HIPK3: variants seen among roughly 807,000 people sequenced by gnomAD.
The protein encoded by HIPK3 is homeodomain-interacting protein kinase 3.
HIPK3 carries 47 observed loss-of-function variants against 124.2 expected under a neutral mutation model. The ratio of observed to expected loss-of-function variants is 0.38; its 90% confidence interval spans 0.30 to 0.48. The LOEUF is 0.48. Among genes scored for constraint, HIPK3 ranks in the 20% least tolerant of loss-of-function variants. The probability of loss-of-function intolerance (pLI) is 0.98; values close to 1 mark genes in which losing one functional copy is unlikely to be tolerated. For missense variants in HIPK3, 1,286 were observed against 1,454.3 expected (o/e 0.88, Z 1.88); for synonymous variants, 482 against 515.2 (o/e 0.94, Z 0.87).
intron 3 of HIPK3, among the ~76,000 whole-genome samples, chr11:33,330,548 C>T (rs1040489938): frequency 6.6e-6 from 1 of 152,110 alleles, no homozygotes; most frequent in Non-Finnish European, 1.5e-5. Flanking sequence ...AGGCTGGTCT[C>T]GAACTCTTGA....
At chr11:33,294,000 C>T (rs583891) in intron 2 of HIPK3, among the ~76,000 whole-genome samples, 1 of 152,012 alleles carries the variant, frequency 6.6e-6, no homozygotes, top group Non-Finnish European at 1.5e-5. Flanking sequence ...AACCCCGTCT[C>T]TACTAAAAAT....
intron 8 of HIPK3, among the ~76,000 whole-genome samples, chr11:33,343,591 A>G (rs1853408408): frequency 2.0e-5 from 3 of 152,056 alleles, no homozygotes; most frequent in African/African-American, 7.2e-5. Flanking sequence ...CTGATTTTTT[A>G]ATTTTAAGCA....
intron 2 of HIPK3, among the ~76,000 whole-genome samples, chr11:33,314,312 T>A (rs1442207494): frequency 6.6e-6 from 1 of 151,962 alleles, no homozygotes; most frequent in Non-Finnish European, 1.5e-5. Context: ...CCTCAAAGGG[T>A]TTTGTTAGGA....
Position 33,301,777 on chromosome 11 carries a change from G to A in HIPK3, c.1097+14266G>A, listed in dbSNP as rs972724539. ...ATCAAGGCTGCAGTGAACTGTGATTGTGTCACTGTACTCCAGCCTGGGCAA... is the reference window on the plus strand; with the variant it reads ...ATCAAGGCTGCAGTGAACTGTGATTATGTCACTGTACTCCAGCCTGGGCAA... On this transcript the variant is annotated intron_variant, in intron 2 of 16. Coordinates refer to ENST00000303296, the MANE Select transcript of HIPK3 (RefSeq NM_005734.5). Among the ~76,000 whole-genome samples, 5 of 149,216 alleles carry A rather than the reference G, an allele frequency of 3.4e-5. No individual in the cohort carries two copies. The Admixed American group carries it at 3.4e-4, about 10-fold the overall frequency.
At chr11:33,300,219 G>T (rs1489995820) in intron 2 of HIPK3, among the ~76,000 whole-genome samples, 1 of 151,288 alleles carries the variant, frequency 6.6e-6, no homozygotes, top group African/African-American at 2.4e-5. Context: ...GATGGCAGGT[G>T]CTTGTAATCC....
chr11:33,290,652 T>TA (rs1851674902), intron 2 of HIPK3, among the ~76,000 whole-genome samples: 1 of 151,290 alleles, frequency 6.6e-6, no homozygotes, highest in Admixed American at 6.6e-5. Context: ...TTTTTTTTTT[T>TA]AATACTTGAG....
chr11:33,257,306 G>T (rs1323046965), upstream of HIPK3: 2 of 983,576 alleles, frequency 2.0e-6, no homozygotes, highest in African/African-American at 1.8e-5. Context: ...CAGCGCTGCC[G>T]GGCGGGCGGT....
chr11:33,293,185 GTTTTTGTTTTT>G (rs1211724316), intron 2 of HIPK3, among the ~76,000 whole-genome samples: 2 of 151,838 alleles, frequency 1.3e-5, no homozygotes, highest in Non-Finnish European at 2.9e-5. Flanking sequence ...TTTTTGTTTT[GTTTTTGTTTTT>G]AAAAACAGCT....
At chr11:33,272,282 C>T (rs553464483) in intron 1 of HIPK3, among the ~76,000 whole-genome samples, 1 of 152,060 alleles carries the variant, frequency 6.6e-6, no homozygotes, top group Non-Finnish European at 1.5e-5. Context: ...GCCTGTAATC[C>T]CAGCTACTCA....
At chr11:33,291,766 C>T (rs1190558790) in intron 2 of HIPK3, among the ~76,000 whole-genome samples, 1 of 151,830 alleles carries the variant, frequency 6.6e-6, no homozygotes, top group Non-Finnish European at 1.5e-5. Flanking sequence ...GAATTTTAGC[C>T]TGCGATTCTA....
intron 2 of HIPK3, among the ~76,000 whole-genome samples, chr11:33,301,633 A>AC (rs1283158815): frequency 6.6e-6 from 1 of 151,626 alleles, no homozygotes; most frequent in Non-Finnish European, 1.5e-5. Context: ...AAAAAAAAAA[A>AC]AAAACTTGGG....
At chr11:33,339,106 A>G (rs1015349030) in intron 5 of HIPK3, among the ~76,000 whole-genome samples, 5 of 152,238 alleles carry the variant, frequency 3.3e-5, no homozygotes, top group African/African-American at 9.6e-5. Context: ...AGATTTCCCT[A>G]TATTTCATTA....
At chr11:33,310,202 C>T (rs974074791) in intron 2 of HIPK3, among the ~76,000 whole-genome samples, 7 of 152,102 alleles carry the variant, frequency 4.6e-5, no homozygotes, top group African/African-American at 1.7e-4. Flanking sequence ...AGCCACTAAT[C>T]ACTGTGGCTG....
At position 33,310,798 on chromosome 11, in the gene HIPK3, T is replaced by G. The variant is rs575009338; in HGVS notation, c.1098-17712T>G. 3.3e-5 allele frequency among the ~76,000 whole-genome samples: 5 copies of G among 152,328 alleles called. No individual in the cohort carries two copies. The East Asian group carries it at 9.6e-4, about 29-fold the overall frequency. On this transcript the variant is annotated intron_variant, in intron 2 of 16. Coordinates refer to ENST00000303296, the MANE Select transcript of HIPK3 (RefSeq NM_005734.5). The stretch of plus-strand genomic sequence containing the variant: ...TATGCTAGTGAGTCTACATGAAATC[T>G]TCCTCCAGAGAAAATGCAGTTTTAT...
At chr11:33,265,481 T>C (rs1425519217) in intron 1 of HIPK3, among the ~76,000 whole-genome samples, 1 of 152,048 alleles carries the variant, frequency 6.6e-6, no homozygotes, top group Non-Finnish European at 1.5e-5. Flanking sequence ...ATGAAAACTA[T>C]TTATCTTATT....
chr11:33,333,398 G>A (rs266481), intron 3 of HIPK3, among the ~76,000 whole-genome samples: 7,273 of 152,022 alleles, frequency 0.048, 368 homozygotes, highest in African/African-American at 0.13. Flanking sequence ...ATAAAACTCC[G>A]GCTCTACCTA....
intron 4 of HIPK3, among the ~76,000 whole-genome samples, chr11:33,337,804 G>T (rs904189276): frequency 6.6e-6 from 1 of 151,826 alleles, no homozygotes; most frequent in African/African-American, 2.4e-5. Context: ...CTCCCAAGTA[G>T]CTGGGATTAC....
chr11:33,322,646 C>T (rs536926331), intron 2 of HIPK3, among the ~76,000 whole-genome samples: 2 of 152,154 alleles, frequency 1.3e-5, no homozygotes, highest in South Asian at 2.1e-4. Flanking sequence ...GCCAATGTGG[C>T]GAAACCTCAT....
In HIPK3 at chr11:33,341,775, A is replaced by T. The variant is rs1054166909; in HGVS notation, c.1897+89A>T. On this transcript the variant is annotated intron_variant, in intron 8 of 16. Transcript: ENST00000303296. Reference sequence around the variant, plus strand: ...ATCTGTTCATTAAATATATTGTATAATTTTTGCTGCATTTAGTGCTACATT... The same window carrying T: ...ATCTGTTCATTAAATATATTGTATATTTTTTGCTGCATTTAGTGCTACATT... 19 of 1,271,644 alleles carry T rather than the reference A, an allele frequency of 1.5e-5. No homozygotes were observed. In the African/African-American group the frequency reaches 2.7e-4, roughly 18 times the overall value. The allele number at this position is 1,271,644 out of a possible 1,614,324, so 78.8% of individuals were successfully genotyped here. A position where few individuals can be genotyped will look rare whatever the true frequency, so the allele number is the denominator to read the frequency against.
Sources: allele counts gnomAD v4.1 joint callset (sites outside exome capture counted in the v4.1 genomes callset), GRCh38; gene constraint gnomAD v4.1.1; transcripts MANE v1.5; gene names NCBI Gene and HGNC (gene_info 2026-07-23, HGNC 2026-07-21).